AP3B1: variants seen among roughly 807,000 people sequenced by gnomAD.
AP3B1 encodes adaptor related protein complex 3 subunit beta 1, also known as AP-3 complex subunit beta-1.
AP3B1 carries 61 observed loss-of-function variants against 132.5 expected under a neutral mutation model. The observed-to-expected ratio is 0.46, with a 90% CI of 0.37 to 0.57. The LOEUF (loss-of-function observed/expected upper bound fraction) is 0.57. Among genes scored for constraint, AP3B1 ranks in the 20% least tolerant of loss-of-function variants. AP3B1 has a pLI of 0.00. For synonymous variants in AP3B1, 388 were observed against 438.3 expected, an observed-to-expected ratio of 0.89 and a Z score of 1.43; for missense variants, 1,120 against 1,289.4, an observed-to-expected ratio of 0.87 and a Z score of 2.01.
chr5:78,198,250 T>C (rs746843550), intron 7 of AP3B1, among the ~76,000 whole-genome samples: 1 of 152,180 alleles, frequency 6.6e-6, no homozygotes, highest in Non-Finnish European at 1.5e-5. Context: ...CCTGAGACTC[T>C]TGCAAAATGT....
chr5:78,252,555 C>T lies in AP3B1; in HGVS notation c.205-11619G>A, dbSNP rs932630002. Among the ~76,000 whole-genome samples, 4 of 152,128 alleles carry T rather than the reference C, an allele frequency of 2.6e-5. No individual in the cohort carries two copies. The East Asian group carries it at 5.8e-4, about 22-fold the overall frequency. ...GAATGCTGACTTAAGAGACCTTGGG[C>T]GTTAAGGGACTATGGGGGTACTCTG... On this transcript the variant is annotated intron_variant, in intron 2 of 26. Coordinates refer to ENST00000255194, the MANE Select transcript of AP3B1 (RefSeq NM_003664.5).
At chr5:78,281,716 CTG>C (rs1221324850) in intron 1 of AP3B1, among the ~76,000 whole-genome samples, 4 of 152,006 alleles carry the variant, frequency 2.6e-5, no homozygotes, top group Admixed American at 2.6e-4. Flanking sequence ...AGATGGGACT[CTG>C]TGTGTATGTA....
chr5:78,265,387 G>A (rs749014890), intron 2 of AP3B1, among the ~76,000 whole-genome samples: 34 of 152,026 alleles, frequency 2.2e-4, no homozygotes, highest in Non-Finnish European at 4.1e-4. Flanking sequence ...AAGCTGCAAT[G>A]TGTTACAACT....
chr5:78,240,945 T>C lies in AP3B1; in HGVS notation c.205-9A>G. The C allele has an allele frequency of 6.3e-7, 1 of 1,594,648 alleles. No individual in the cohort carries two copies. The highest frequency in any genetic ancestry group is 8.6e-7 in the Non-Finnish European group (1 of 1,162,792). On this transcript the variant is annotated splice_polypyrimidine_tract_variant and intron_variant, in intron 2 of 26. Transcript: ENST00000255194. Reference sequence around the variant, plus strand: ...TTCCCTTTTGCAATCATCTGAAGAATAAACAAAACAGACAATATGGGAAAT... The same window carrying C: ...TTCCCTTTTGCAATCATCTGAAGAACAAACAAAACAGACAATATGGGAAAT...
At chr5:78,175,893 A>G (rs192284178) in intron 9 of AP3B1, 55 bp from the exon 10 acceptor site, 2 of 1,255,924 alleles carry the variant, frequency 1.6e-6, no homozygotes, top group Admixed American at 3.4e-5. Flanking sequence ...AACATCTTTG[A>G]GTAAGCACTA....
At chr5:78,203,568 A>C (rs924950769) in intron 7 of AP3B1, among the ~76,000 whole-genome samples, 4 of 152,218 alleles carry the variant, frequency 2.6e-5, no homozygotes, top group African/African-American at 9.6e-5. Flanking sequence ...CTTGGTGTGC[A>C]TTCAGAATTT....
chr5:78,030,250 G>A (rs1365776282), intron 24 of AP3B1, among the ~76,000 whole-genome samples: 1 of 151,902 alleles, frequency 6.6e-6, no homozygotes, highest in African/African-American at 2.4e-5. Context: ...CTATCCTCCC[G>A]CCTCAGCCTC....
intron 7 of AP3B1, among the ~76,000 whole-genome samples, chr5:78,202,057 TG>T (rs1248503669): frequency 1.3e-5 from 2 of 152,216 alleles, no homozygotes; most frequent in Admixed American, 6.5e-5. Context: ...AATTGAATCA[TG>T]GGGGTAAGTC....
chr5:78,230,963 C>CA (rs1350417190), intron 3 of AP3B1, among the ~76,000 whole-genome samples: 2 of 151,472 alleles, frequency 1.3e-5, no homozygotes, highest in Admixed American at 6.6e-5. Context: ...ACTAAAAATA[C>CA]AAAAAAATTA....
At chr5:78,088,269 G>A (rs924882859) in intron 22 of AP3B1, among the ~76,000 whole-genome samples, 1 of 151,998 alleles carries the variant, frequency 6.6e-6, no homozygotes, top group African/African-American at 2.4e-5. Context: ...ATCTTTTAAT[G>A]TGTCTTTTCC....
intron 7 of AP3B1, among the ~76,000 whole-genome samples, chr5:78,187,916 A>T (rs1744668537): frequency 6.6e-6 from 1 of 152,210 alleles, no homozygotes; most frequent in African/African-American, 2.4e-5. Flanking sequence ...TAAAGAACTC[A>T]GAAATAAAAC....
intron 22 of AP3B1, among the ~76,000 whole-genome samples, chr5:78,056,464 C>T (rs137933380): frequency 1.3e-5 from 2 of 152,332 alleles, no homozygotes; most frequent in African/African-American, 4.8e-5. Flanking sequence ...AAACACCAAT[C>T]TGTCAGATAA....
rs1022482616 is a variant in AP3B1 at position 78,034,433 on chromosome 5, G to T, written c.2822C>A (p.Pro941His). ...CATTGAAACTGTAATGGATCCCTCA[G>T]GCTCAAGAGAGTCTAGGAAATAAGA... ...HVFNPIDSLEPEGSITVSMGI... is the reference protein window; with the variant it reads ...HVFNPIDSLEHEGSITVSMGI... Residue 941 changes from proline to histidine, a missense_variant, in exon 24 of 27, where the codon CCT (proline) becomes CAT (histidine). Transcript: ENST00000255194. The T allele has an allele frequency of 1.2e-6, 2 of 1,609,804 alleles. No individual in the cohort carries two copies. The highest frequency in any genetic ancestry group is 1.7e-6 in the Non-Finnish European group (2 of 1,176,520).
chr5:78,137,895 A>G (rs1048604978), intron 15 of AP3B1, among the ~76,000 whole-genome samples: 1 of 152,202 alleles, frequency 6.6e-6, no homozygotes, highest in Non-Finnish European at 1.5e-5. Flanking sequence ...ATAACCCTAA[A>G]TAATTCAATA....
intron 22 of AP3B1, among the ~76,000 whole-genome samples, chr5:78,085,967 G>T (rs909101548): frequency 1.3e-5 from 2 of 152,032 alleles, no homozygotes; most frequent in South Asian, 2.1e-4. Flanking sequence ...AAACAAAAGC[G>T]GTTTCAATTT....
chr5:78,101,099 A>G (rs1219100225), intron 20 of AP3B1, 74 bp from the exon 21 acceptor site: 1 of 906,776 alleles, frequency 1.1e-6, no homozygotes, highest in African/African-American at 1.7e-5. Flanking sequence ...TAATATTCCA[A>G]AACAAACTTT....
At chr5:78,033,532 T>C (rs1427146421) in intron 24 of AP3B1, among the ~76,000 whole-genome samples, 1 of 152,024 alleles carries the variant, frequency 6.6e-6, no homozygotes, top group Non-Finnish European at 1.5e-5. Context: ...TTCAAGACTT[T>C]TAAATCATAA....
intron 7 of AP3B1, among the ~76,000 whole-genome samples, chr5:78,184,270 C>G (rs1744503258): frequency 6.6e-6 from 1 of 151,660 alleles, no homozygotes; most frequent in African/African-American, 2.4e-5. Context: ...AACTAAAAAC[C>G]TAATGAATGG....
intron 3 of AP3B1, among the ~76,000 whole-genome samples, chr5:78,228,553 G>A (rs1237457131): frequency 6.6e-6 from 1 of 152,138 alleles, no homozygotes; most frequent in African/African-American, 2.4e-5. Flanking sequence ...TTCAAAATGA[G>A]GGATAAAAAT....
Sources: gnomAD v4.1 joint callset for allele counts (sites outside exome capture counted in the v4.1 genomes callset) on GRCh38, gnomAD v4.1.1 for gene constraint, MANE v1.5 for transcripts, NCBI Gene and HGNC (gene_info 2026-07-23, HGNC 2026-07-21) for gene names.